Variants in CDH12 observed in about 807,000 individuals in gnomAD.
The protein encoded by CDH12 is cadherin 12.
Under a neutral mutation model 74.1 loss-of-function variants are expected in CDH12, and 41 were observed. That is an observed-to-expected ratio of 0.55 (90% CI 0.43 to 0.72). The LOEUF is 0.72. Among genes scored for constraint, CDH12 ranks in the 30% least tolerant of loss-of-function variants. The pLI is 0.00. For synonymous variants in CDH12, 399 were observed against 355.0 expected, an observed-to-expected ratio of 1.12 and a Z score of -1.39; for missense variants, 945 against 977.2, an observed-to-expected ratio of 0.97 and a Z score of 0.44.
chr5:22,268,357 A>G (rs1222459523), intron 3 of CDH12, among the ~76,000 whole-genome samples: 1 of 152,076 alleles, frequency 6.6e-6, no homozygotes, highest in African/African-American at 2.4e-5. Context: ...ATGCCTGGGG[A>G]ATAGTGTAAA....
At chr5:22,602,804 A>G (rs1580807596) in intron 1 of CDH12, among the ~76,000 whole-genome samples, 1 of 152,282 alleles carries the variant, frequency 6.6e-6, no homozygotes, top group East Asian at 1.9e-4. Flanking sequence ...CTTTGGGATT[A>G]CAAAAAATAA....
chr5:21,981,159 C>T (rs1757287863), intron 5 of CDH12, among the ~76,000 whole-genome samples: 1 of 152,056 alleles, frequency 6.6e-6, no homozygotes, highest in Non-Finnish European at 1.5e-5. Flanking sequence ...ACTGCATACC[C>T]CTTGCCTTGT....
intron 6 of CDH12, among the ~76,000 whole-genome samples, chr5:21,867,081 G>A (rs566984632): frequency 2.5e-4 from 38 of 152,276 alleles, no homozygotes; most frequent in African/African-American, 8.4e-4. Context: ...TTGGGCCAGC[G>A]CGGTGGCTCT....
intron 2 of CDH12, among the ~76,000 whole-genome samples, chr5:22,492,856 A>G (rs1279997452): frequency 6.6e-6 from 1 of 151,862 alleles, no homozygotes; most frequent in Non-Finnish European, 1.5e-5. Flanking sequence ...TTGTTTTATA[A>G]TCCTGCCATT....
chr5:22,330,247 G>A (rs1296345338), intron 3 of CDH12, among the ~76,000 whole-genome samples: 1 of 152,072 alleles, frequency 6.6e-6, no homozygotes, highest in African/African-American at 2.4e-5. Flanking sequence ...CCTAGACACA[G>A]CCTGTGTCAA....
chr5:22,028,710 C>T (rs1033184347), intron 5 of CDH12, among the ~76,000 whole-genome samples: 26 of 152,040 alleles, frequency 1.7e-4, no homozygotes, highest in Admixed American at 2.0e-4. Context: ...AGATTCAATG[C>T]CATCCCCATC....
rs189332890 is a variant in CDH12, at chr5:21,994,432, A to C, written c.232-19047T>G. Among the ~76,000 whole-genome samples, 21 of 152,320 alleles carry C rather than the reference A, an allele frequency of 1.4e-4. No homozygotes were observed. In the East Asian group the frequency reaches 4.1e-3, roughly 29 times the overall value. On this transcript the variant is annotated intron_variant, in intron 5 of 14. Coordinates refer to ENST00000382254, the MANE Select transcript of CDH12 (RefSeq NM_004061.5). Reference sequence around the variant, plus strand: ...TTTGTTTTTGTTACTCTAAAGAACAACAACAAAAAAGAAAAACAATATTCG... The same window carrying C: ...TTTGTTTTTGTTACTCTAAAGAACACCAACAAAAAAGAAAAACAATATTCG...
intron 2 of CDH12, among the ~76,000 whole-genome samples, chr5:22,478,696 G>A (rs1447928813): frequency 6.0e-5 from 9 of 151,258 alleles, no homozygotes; most frequent in African/African-American, 2.2e-4. Context: ...ATTGATGAGG[G>A]GAAAAAAGCC....
chr5:22,720,986 G>A (rs1396535586), intron 1 of CDH12, among the ~76,000 whole-genome samples: 2 of 152,246 alleles, frequency 1.3e-5, no homozygotes, highest in Non-Finnish European at 2.9e-5. Flanking sequence ...ATTTTCTGTG[G>A]AGAAATTCAA....
chr5:22,372,763 C>T (rs953714002), intron 3 of CDH12, among the ~76,000 whole-genome samples: 1 of 152,150 alleles, frequency 6.6e-6, no homozygotes, highest in African/African-American at 2.4e-5. Context: ...GGTGGGCCCA[C>T]GGCTGGCACC....
intron 1 of CDH12, among the ~76,000 whole-genome samples, chr5:22,688,585 C>T (rs942586766): frequency 3.9e-5 from 6 of 152,078 alleles, no homozygotes; most frequent in Admixed American, 3.9e-4. Context: ...CATCTGGCAA[C>T]CTGAGTGTTT....
At chr5:22,812,975 T>C (rs1167701041) in intron 1 of CDH12, among the ~76,000 whole-genome samples, 1 of 151,776 alleles carries the variant, frequency 6.6e-6, no homozygotes, top group Non-Finnish European at 1.5e-5. Flanking sequence ...GCAGAAGGGG[T>C]TACCATCAAG....
intron 1 of CDH12, among the ~76,000 whole-genome samples, chr5:22,520,976 C>T (rs780163872): frequency 6.8e-6 from 1 of 147,596 alleles, no homozygotes; most frequent in Non-Finnish European, 1.5e-5. Flanking sequence ...GCTTGCTCCC[C>T]TTCTTTCTTT....
chr5:21,876,056 C>T (rs1022372939), intron 6 of CDH12, among the ~76,000 whole-genome samples: 1 of 151,984 alleles, frequency 6.6e-6, no homozygotes, highest in African/African-American at 2.4e-5. Flanking sequence ...CCACCATGCC[C>T]AGCTAATTTT....
At chr5:22,719,811 C>G (rs951282306) in intron 1 of CDH12, among the ~76,000 whole-genome samples, 3 of 152,054 alleles carry the variant, frequency 2.0e-5, no homozygotes, top group Non-Finnish European at 4.4e-5. Context: ...TGATTCTTCC[C>G]TTTGCTATAA....
chr5:22,421,327 AG>A (rs2126496709), intron 2 of CDH12, among the ~76,000 whole-genome samples: 1 of 152,182 alleles, frequency 6.6e-6, no homozygotes. Flanking sequence ...TCCTAATGCT[AG>A]CCCTCCCCTA....
chr5:22,302,665 G>C (rs1254914316), intron 3 of CDH12, among the ~76,000 whole-genome samples: 2 of 152,156 alleles, frequency 1.3e-5, no homozygotes, highest in South Asian at 2.1e-4. Flanking sequence ...CTTAGGAAAA[G>C]AGTAACAAAG....
At chr5:22,546,028 C>T (rs1402226660) in intron 1 of CDH12, among the ~76,000 whole-genome samples, 3 of 151,880 alleles carry the variant, frequency 2.0e-5, no homozygotes, top group Admixed American at 2.0e-4. Context: ...CACTGCAACC[C>T]CTGCCTCCCT....
intron 3 of CDH12, among the ~76,000 whole-genome samples, chr5:22,216,358 G>C (rs560015895): frequency 6.6e-6 from 1 of 151,820 alleles, no homozygotes; most frequent in Non-Finnish European, 1.5e-5. Flanking sequence ...TATTTAAATT[G>C]GGGATATATG....
Sources: allele counts gnomAD v4.1 joint callset (sites outside exome capture counted in the v4.1 genomes callset), GRCh38; gene constraint gnomAD v4.1.1; transcripts MANE v1.5; gene names NCBI Gene and HGNC (gene_info 2026-07-23, HGNC 2026-07-21).